The following ABCC1 variants were observed in gnomAD, a reference collection of about 807,000 sequenced individuals.
ABCC1 encodes the protein multidrug resistance-associated protein 1.
In ABCC1, 83 loss-of-function variants were observed where a neutral mutation model predicts 172.9. The observed-to-expected ratio is 0.48, with a 90% CI of 0.40 to 0.58. ABCC1 has a LOEUF of 0.58. ABCC1 is among the 20% of genes least tolerant of loss of function. The pLI is 0.00. For missense variants in ABCC1, 1,817 were observed against 2,002.7 expected, an observed-to-expected ratio of 0.91 and a Z score of 1.77; for synonymous variants, 937 against 825.2, an observed-to-expected ratio of 1.14 and a Z score of -2.32.
intron 19 of ABCC1, among the ~76,000 whole-genome samples, chr16:16,099,909 C>A (rs1413852974): frequency 6.6e-6 from 1 of 152,054 alleles, no homozygotes; most frequent in Non-Finnish European, 1.5e-5. Flanking sequence ...CATGGTGAAA[C>A]CCCGTCTCTA....
chr16:16,043,340 C>T (rs1208130153), intron 7 of ABCC1, among the ~76,000 whole-genome samples: 4 of 149,196 alleles, frequency 2.7e-5, no homozygotes, highest in Non-Finnish European at 4.4e-5. Context: ...GTCTTTTTGC[C>T]CAGGCTGGAG....
At chr16:16,008,945 T>C (rs536662581) in intron 2 of ABCC1, among the ~76,000 whole-genome samples, 393 of 140,116 alleles carry the variant, frequency 2.8e-3, no homozygotes, top group African/African-American at 9.5e-3. Context: ...TTTTTTTTTT[T>C]GTTGTTGTTT....
rs2045196261 is a variant in ABCC1, at chr16:16,122,157, C to T, written c.3573C>T (p.Pro1191=). The T allele has an allele frequency of 1.2e-6, 2 of 1,614,056 alleles. No homozygotes were observed. The highest frequency in any genetic ancestry group is 3.3e-5 in the Admixed American group (2 of 59,992). The change falls in exon 24 of 31, where the codon CCC becomes CCT. Residue 1191 remains proline, a synonymous_variant. Coordinates refer to ENST00000399410, the MANE Select transcript of ABCC1 (RefSeq NM_004996.4). ...KVDENQKAYY[P]SIVANRWLAV... is the part of the protein sequence containing the mutation. ...ACGAGAACCAGAAGGCCTATTACCC[C>T]AGCATCGTGGCCAACAGGTGGGCAT...
intron 27 of ABCC1, among the ~76,000 whole-genome samples, chr16:16,132,510 G>GTTTTTTTTTTTTTTTTTTTTTTTTTTTTT (rs71137915): frequency 2.7e-5 from 1 of 37,298 alleles, no homozygotes; most frequent in Non-Finnish European, 5.0e-5. Flanking sequence ...TTGGTTGGTT[G>GTTTTTTTTTTTTTTTTTTTTTTTTTTTTT]TTTTTTTTTT....
intron 14 of ABCC1, 90 bp downstream of exon 14, chr16:16,071,819 G>A: frequency 1.6e-6 from 2 of 1,241,662 alleles, no homozygotes; most frequent in East Asian, 2.5e-5. Context: ...TCCCTTGGCT[G>A]CCCTCAGGTT....
chr16:16,104,382 A>AC (rs1177261021), intron 20 of ABCC1, among the ~76,000 whole-genome samples: 1 of 151,970 alleles, frequency 6.6e-6, no homozygotes, highest in Non-Finnish European at 1.5e-5. Context: ...TGTGTTTACA[A>AC]CCCCTGAGCT....
At chr16:15,984,297 G>T (rs1256530565) in intron 1 of ABCC1, among the ~76,000 whole-genome samples, 2 of 152,142 alleles carry the variant, frequency 1.3e-5, no homozygotes, top group Admixed American at 6.6e-5. Flanking sequence ...GGTATATTTG[G>T]TATGTTACCT....
At chr16:16,120,419 G>T (rs1488319833) in intron 23 of ABCC1, among the ~76,000 whole-genome samples, 1 of 152,212 alleles carries the variant, frequency 6.6e-6, no homozygotes, top group Non-Finnish European at 1.5e-5. Context: ...TGCAGAAGGT[G>T]GTTGGCTTTT....
chr16:15,991,852 C>T (rs1306598507), intron 1 of ABCC1, among the ~76,000 whole-genome samples: 1 of 152,074 alleles, frequency 6.6e-6, no homozygotes, highest in Non-Finnish European at 1.5e-5. Context: ...CCTTTCCCAT[C>T]TCCCCTAGGA....
intron 1 of ABCC1, among the ~76,000 whole-genome samples, chr16:15,970,247 C>T (rs1397408635): frequency 2.0e-5 from 3 of 152,194 alleles, no homozygotes; most frequent in Admixed American, 6.5e-5. Context: ...CTGCTGTCCT[C>T]ATCTGCATGG....
chr16:16,084,284 G>C lies in ABCC1; in HGVS notation c.2292+742G>C, dbSNP rs535647398. ...CACTCGGCTAATTTTTGTATTTTTA[G>C]TCGAGGCAGGGTTTCACCATGTTGG... On this transcript the variant is annotated intron_variant, in intron 17 of 30. Transcript: ENST00000399410. Among the ~76,000 whole-genome samples, 109 of 151,358 alleles carry C rather than the reference G, an allele frequency of 7.2e-4. 1 individual carries two copies. The highest frequency in any genetic ancestry group is 1.0e-3 in the South Asian group (5 of 4,764).
intron 14 of ABCC1, among the ~76,000 whole-genome samples, chr16:16,074,245 A>G (rs2050467784): frequency 6.6e-6 from 1 of 152,116 alleles, no homozygotes; most frequent in Non-Finnish European, 1.5e-5. Context: ...GGCTCCAGAC[A>G]TTGCCAGATG....
intron 11 of ABCC1, among the ~76,000 whole-genome samples, chr16:16,054,524 G>A (rs2049569236): frequency 6.6e-6 from 1 of 152,076 alleles, no homozygotes; most frequent in Non-Finnish European, 1.5e-5. Context: ...GGGAGCACTA[G>A]GCTGCACTGA....
chr16:16,091,819 A>G (rs990806482), intron 19 of ABCC1, among the ~76,000 whole-genome samples: 2 of 152,202 alleles, frequency 1.3e-5, no homozygotes, highest in African/African-American at 4.8e-5. Context: ...CCCAGGATAC[A>G]CAGCAGCTGC....
chr16:15,979,988 G>C (rs570978167), intron 1 of ABCC1, among the ~76,000 whole-genome samples: 1 of 152,042 alleles, frequency 6.6e-6, no homozygotes, highest in East Asian at 1.9e-4. Flanking sequence ...CATTTTGAGG[G>C]ACAGCATCAG....
intron 27 of ABCC1, among the ~76,000 whole-genome samples, chr16:16,132,837 T>A (rs559886307): frequency 6.6e-6 from 1 of 152,134 alleles, no homozygotes; most frequent in African/African-American, 2.4e-5. Flanking sequence ...GAAATTTGAA[T>A]AAGTTGCAAA....
At chr16:16,007,786 C>A in intron 1 of ABCC1, 30 bp from the exon 2 acceptor site, 1 of 1,589,658 alleles carries the variant, frequency 6.3e-7, no homozygotes, top group Non-Finnish European at 8.6e-7. Flanking sequence ...GTGTGTCCTG[C>A]TGACCCCTCG....
At chr16:15,968,848 G>C (rs1235063464) in intron 1 of ABCC1, among the ~76,000 whole-genome samples, 3 of 151,184 alleles carry the variant, frequency 2.0e-5, no homozygotes, top group Admixed American at 6.6e-5. Flanking sequence ...TTAGCCTCTG[G>C]AGTAGCTGGG....
chr16:16,122,196 G>A, intron 24 of ABCC1, 22 bp downstream of exon 24: 1 of 1,613,382 alleles, frequency 6.2e-7, no homozygotes, highest in South Asian at 1.1e-5. Context: ...GGGCCTGCAG[G>A]AGCGGGTGGA....
Sources: gnomAD v4.1 joint callset for allele counts (sites outside exome capture counted in the v4.1 genomes callset) on GRCh38, gnomAD v4.1.1 for gene constraint, MANE v1.5 for transcripts, NCBI Gene and HGNC (gene_info 2026-07-23, HGNC 2026-07-21) for gene names.